The following SPAG16 variants were observed in gnomAD, a reference collection of about 807,000 sequenced individuals.
SPAG16 encodes sperm associated antigen 16, also known as sperm-associated antigen 16 protein.
Under a neutral mutation model 80.4 loss-of-function variants are expected in SPAG16, and 86 were observed. That is an observed-to-expected ratio of 1.07 (90% CI 0.90 to 1.28). The LOEUF (loss-of-function observed/expected upper bound fraction) is 1.28, where lower values mean the gene tolerates loss of function less well. Among genes scored for constraint, SPAG16 ranks in the 50% most tolerant of loss-of-function variants. The probability of loss-of-function intolerance (pLI) is 0.00; values close to 1 mark genes in which losing one functional copy is unlikely to be tolerated. For missense variants in SPAG16, 870 were observed against 765.3 expected (o/e 1.14, Z -1.61); for synonymous variants, 294 against 265.9 (o/e 1.11, Z -1.03).
chr2:213,641,571 A>T lies in SPAG16; in HGVS notation c.1070+151481A>T, dbSNP rs188306328. Among the ~76,000 whole-genome samples, 445 of 152,352 alleles carry T rather than the reference A, an allele frequency of 2.9e-3. 2 individuals are homozygous for T. The highest frequency in any genetic ancestry group is 4.9e-3 in the Non-Finnish European group (335 of 68,020). Reference sequence around the variant, plus strand: ...TCCCCAAAGGCCCCTGTGAAATTAAAGTCAGAAATGGCTTCCTTGGGGTTC... The same window carrying T: ...TCCCCAAAGGCCCCTGTGAAATTAATGTCAGAAATGGCTTCCTTGGGGTTC... On this transcript the variant is annotated intron_variant, in intron 10 of 15. Transcript: ENST00000331683.
At chr2:214,086,485 G>C (rs1184936131) in intron 13 of SPAG16, among the ~76,000 whole-genome samples, 1 of 152,056 alleles carries the variant, frequency 6.6e-6, no homozygotes, top group Non-Finnish European at 1.5e-5. Context: ...GATCATGGAG[G>C]CAGTCCCCCT....
chr2:214,294,363 T>G (rs781534345), intron 15 of SPAG16, among the ~76,000 whole-genome samples: 1 of 152,214 alleles, frequency 6.6e-6, no homozygotes, highest in Non-Finnish European at 1.5e-5. Context: ...TCATTTCCCT[T>G]TCATTCTTTG....
At chr2:213,632,331 G>A (rs1011160024) in intron 10 of SPAG16, among the ~76,000 whole-genome samples, 20 of 152,016 alleles carry the variant, frequency 1.3e-4, no homozygotes, top group African/African-American at 4.8e-4. Context: ...TTTGTATCCT[G>A]TAACTTTACT....
intron 10 of SPAG16, among the ~76,000 whole-genome samples, chr2:213,505,695 C>A (rs1461007317): frequency 6.6e-6 from 1 of 151,858 alleles, no homozygotes; most frequent in East Asian, 1.9e-4. Flanking sequence ...TAGAGTAATG[C>A]ATGCTCCCCT....
chr2:214,031,927 C>A (rs1404572862), intron 13 of SPAG16, among the ~76,000 whole-genome samples: 1 of 152,118 alleles, frequency 6.6e-6, no homozygotes, highest in African/African-American at 2.4e-5. Flanking sequence ...GATCCAGTCA[C>A]CTCCCACCAG....
rs1388223828 is a variant in SPAG16, at chr2:213,919,005, A to G, written c.1215-10955A>G. On this transcript the variant is annotated intron_variant, in intron 11 of 15. Coordinates refer to ENST00000331683, the MANE Select transcript of SPAG16 (RefSeq NM_024532.5). ...CAGGATCAGTGTAATGCCCTTTGTA[A>G]TTTCTAATTGTTTTTATTTGGATCT... 3.3e-5 allele frequency among the ~76,000 whole-genome samples: 5 copies of G among 152,050 alleles called. No homozygotes were observed. The South Asian group carries it at 1.0e-3, about 32-fold the overall frequency.
At position 213,934,434 on chromosome 2, in the gene SPAG16, G is replaced by A. The variant is rs938587458; in HGVS notation, c.1400+4289G>A. ...GTGTGTCAGCCACAGATCATGAACT[G>A]TGAGACATGCAGTAACTGAAGAAGA... On this transcript the variant is annotated intron_variant, in intron 12 of 15. Transcript: ENST00000331683. Among the ~76,000 whole-genome samples, 8 of 152,202 alleles carry A rather than the reference G, an allele frequency of 5.3e-5. 1 individual carries two copies. The highest frequency in any genetic ancestry group is 1.9e-4 in the African/African-American group (8 of 41,464).
At chr2:214,116,829 G>C (rs2053958313) in intron 14 of SPAG16, among the ~76,000 whole-genome samples, 1 of 152,178 alleles carries the variant, frequency 6.6e-6, no homozygotes, top group South Asian at 2.1e-4. Flanking sequence ...AGTGATCACA[G>C]GCTCAGGGAA....
intron 9 of SPAG16, among the ~76,000 whole-genome samples, chr2:213,487,902 A>C (rs980664960): frequency 2.0e-5 from 3 of 152,156 alleles, no homozygotes; most frequent in African/African-American, 7.2e-5. Flanking sequence ...AAACAATAGA[A>C]AAATAGGCAA....
Position 213,491,657 on chromosome 2 carries a change from C to T in SPAG16, c.1070+1567C>T, listed in dbSNP as rs150033003. 8.5e-5 allele frequency among the ~76,000 whole-genome samples: 13 copies of T among 152,186 alleles called. No individual in the cohort carries two copies. The East Asian group carries it at 2.1e-3, about 25-fold the overall frequency. On this transcript the variant is annotated intron_variant, in intron 10 of 15. Transcript: ENST00000331683. ...TGTGTGTTTTGTGGAGATAATGGAA[C>T]GTGTTAGTCAATACAGCAATTAAGT...
Position 213,587,103 on chromosome 2 carries a change from C to T in SPAG16, c.1070+97013C>T, listed in dbSNP as rs559066079. On this transcript the variant is annotated intron_variant, in intron 10 of 15. Transcript: ENST00000331683. ...TTGCGCTGGTGATGATCAGTAGTCTCCGAGCAGCCCTGTCCTTATAGTTCC... is the reference window on the plus strand; with the variant it reads ...TTGCGCTGGTGATGATCAGTAGTCTTCGAGCAGCCCTGTCCTTATAGTTCC... 1.1e-4 allele frequency among the ~76,000 whole-genome samples: 16 copies of T among 152,254 alleles called. No individual in the cohort carries two copies. In the South Asian group the frequency reaches 3.3e-3, roughly 32 times the overall value.
chr2:214,130,144 T>C (rs1217588413), intron 14 of SPAG16, among the ~76,000 whole-genome samples: 3 of 152,160 alleles, frequency 2.0e-5, no homozygotes, highest in Non-Finnish European at 4.4e-5. Context: ...TCAGTTCTGA[T>C]TGGTTGAAAT....
chr2:214,365,583 G>GA (rs1461827878), intron 15 of SPAG16, among the ~76,000 whole-genome samples: 6 of 151,722 alleles, frequency 4.0e-5, no homozygotes, highest in African/African-American at 7.2e-5. Context: ...GAACCAAATG[G>GA]AAAAAAAATC....
intron 10 of SPAG16, among the ~76,000 whole-genome samples, chr2:213,605,539 G>A (rs1203363297): frequency 1.3e-5 from 2 of 152,052 alleles, no homozygotes; most frequent in African/African-American, 2.4e-5. Flanking sequence ...CCCTGGGCTA[G>A]TGTGCAATGG....
chr2:213,366,814 T>C (rs1342888363), intron 8 of SPAG16, among the ~76,000 whole-genome samples: 1 of 152,106 alleles, frequency 6.6e-6, no homozygotes, highest in Non-Finnish European at 1.5e-5. Context: ...ATACTTTAAG[T>C]TCTAGGATAC....
At chr2:214,298,840 G>T (rs1181854448) in intron 15 of SPAG16, among the ~76,000 whole-genome samples, 1 of 151,946 alleles carries the variant, frequency 6.6e-6, no homozygotes, top group African/African-American at 2.4e-5. Context: ...TTTTTTTCTT[G>T]GCAAGGGGCA....
chr2:213,544,798 A>T (rs1385375786), intron 10 of SPAG16, among the ~76,000 whole-genome samples: 7 of 152,122 alleles, frequency 4.6e-5, no homozygotes, highest in Admixed American at 3.9e-4. Flanking sequence ...AGACTGGCTT[A>T]TTTCACTTGG....
chr2:213,475,068 C>T (rs893358813), intron 9 of SPAG16, among the ~76,000 whole-genome samples: 4 of 152,218 alleles, frequency 2.6e-5, no homozygotes, highest in African/African-American at 2.4e-5. Context: ...AGGTACAAAG[C>T]TCATCCCCAA....
At chr2:213,928,165 A>C (rs567393913) in intron 11 of SPAG16, among the ~76,000 whole-genome samples, 21 of 152,120 alleles carry the variant, frequency 1.4e-4, no homozygotes, top group Middle Eastern at 3.4e-3. Context: ...GGCTCACTGC[A>C]ACCTCTGCCT....
Sources: gnomAD v4.1 joint callset for allele counts (sites outside exome capture counted in the v4.1 genomes callset) on GRCh38, gnomAD v4.1.1 for gene constraint, MANE v1.5 for transcripts, NCBI Gene and HGNC (gene_info 2026-07-23, HGNC 2026-07-21) for gene names.